Variants in TMEM273 observed in about 807,000 individuals in gnomAD.
TMEM273 encodes chromosome 10 open reading frame 128.
In TMEM273, 19 loss-of-function variants were observed where a neutral mutation model predicts 17.9. The observed-to-expected ratio is 1.06, with a 90% CI of 0.74 to 1.55. The LOEUF (loss-of-function observed/expected upper bound fraction) is 1.55. TMEM273 is among the 40% of genes most tolerant of loss of function. TMEM273 has a pLI of 0.00. For missense variants in TMEM273, 194 were observed against 155.6 expected, an observed-to-expected ratio of 1.25 and a Z score of -1.31; for synonymous variants, 66 against 62.0, an observed-to-expected ratio of 1.07 and a Z score of -0.31.
intron 6 of TMEM273, 104 bp downstream of exon 6, chr10:49,161,495 A>C: frequency 1.4e-6 from 2 of 1,462,660 alleles, no homozygotes; most frequent in Non-Finnish European, 1.9e-6. Flanking sequence ...TGCCCGTCCC[A>C]CGTGGCCAGG....
chr10:49,163,863 C>T (rs1216612654), intron 5 of TMEM273, among the ~76,000 whole-genome samples: 1 of 152,158 alleles, frequency 6.6e-6, no homozygotes, highest in Non-Finnish European at 1.5e-5. Flanking sequence ...CAAGAAAATC[C>T]ATGTCCAGCT....
intron 6 of TMEM273, 85 bp from the exon 7 acceptor site, chr10:49,155,994 A>G: frequency 3.7e-6 from 6 of 1,610,352 alleles, no homozygotes; most frequent in Non-Finnish European, 5.1e-6. Context: ...AATTCACACA[A>G]TTAAACAGGT....
At position 49,166,962 on chromosome 10, in the gene TMEM273, C is replaced by G. The variant is rs758300447; in HGVS notation, c.145G>C (p.Ala49Pro). ...IGTAVGVAIS[A>P]GFLALKICMI... The stretch of plus-strand genomic sequence containing the variant: ...CAGATCTTCAGGGCCAGGAAGCCAG[C>G]AGATATGGCGACACCCACAGCAGTC... The change falls in exon 3 of 7, where the codon GCT becomes CCT. Residue 49 changes from alanine (A) to proline (P), a missense_variant. Physicochemically the swap from Ala to Pro is conservative, Grantham distance 27. Coordinates refer to ENST00000374153, the MANE Select transcript of TMEM273 (RefSeq NM_001288740.3). The G allele has an allele frequency of 6.2e-7, 1 of 1,614,142 alleles. No homozygotes were observed.
chr10:49,167,934 T>C lies in TMEM273; in HGVS notation c.72A>G (p.Thr24=). The C allele has an allele frequency of 6.2e-7, 1 of 1,614,046 alleles. No individual in the cohort carries two copies. Among genetic ancestry groups the C allele is most frequent in the Non-Finnish European group, 8.5e-7 (1 of 1,179,986 alleles). The part of the protein sequence containing the change: ...LDVGGAQVLA[T]GKTPGAEIDF... ...CAATTTCAGCCCCAGGGGTCTTGCC[T>C]GTTGCCAGCACTTGAGCTCCTCCTA... Residue 24 remains threonine (T), a synonymous_variant, in exon 2 of 7, where the codon ACA becomes ACG. Coordinates refer to ENST00000374153, the MANE Select transcript of TMEM273 (RefSeq NM_001288740.3).
chr10:49,155,721 GA>G lies in TMEM273; in HGVS notation c.*170del. 1 of 885,602 alleles carries G rather than the reference GA, an allele frequency of 1.1e-6. No individual in the cohort carries two copies. Among genetic ancestry groups the G allele is most frequent in the Non-Finnish European group, 1.7e-6 (1 of 573,714 alleles). The allele number at this position is 885,602 out of a possible 1,614,324, so 54.9% of individuals were successfully genotyped here. A position where few individuals can be genotyped will look rare whatever the true frequency, so the allele number is the denominator to read the frequency against. ...GAAGAGGCATGATATTTTCCTTCAG[GA>G]CAGAGGCACTGTATATTCTATTCCT... On this transcript the variant is annotated 3_prime_UTR_variant, in exon 7 of 7. Coordinates refer to ENST00000374153, the MANE Select transcript of TMEM273 (RefSeq NM_001288740.3).
chr10:49,165,152 TA>T (rs957256710), intron 5 of TMEM273, 52 bp downstream of exon 5: 1 of 1,502,888 alleles, frequency 6.7e-7, no homozygotes, highest in Non-Finnish European at 8.9e-7. Context: ...TAAAGAAAAC[TA>T]AAGCCAAGCA....
chr10:49,168,722 G>A (rs1478492217), intron 1 of TMEM273, among the ~76,000 whole-genome samples: 1 of 144,136 alleles, frequency 6.9e-6, no homozygotes, highest in Non-Finnish European at 1.5e-5. Flanking sequence ...GGGAGGGAGG[G>A]TGGGAAGGAA....
chr10:49,167,152 T>G lies in TMEM273; in HGVS notation c.98-143A>C, dbSNP rs80294409. 1,912 of 1,157,664 alleles carry G rather than the reference T, an allele frequency of 1.7e-3. 41 individuals carry two copies. The East Asian group carries it at 0.039, about 23-fold the overall frequency. The allele number at this position is 1,157,664 out of a possible 1,614,324, so 71.7% of individuals were successfully genotyped here. A position where few individuals can be genotyped will look rare whatever the true frequency, so the allele number is the denominator to read the frequency against. On this transcript the variant is annotated intron_variant, in intron 2 of 6. Transcript: ENST00000374153. ...GCCAGCCTCACCTTCTACTCTCCCATGAGTCCCTTTGCTCCTAGCCTCTGC... is the reference window on the plus strand; with the variant it reads ...GCCAGCCTCACCTTCTACTCTCCCAGGAGTCCCTTTGCTCCTAGCCTCTGC...
At chr10:49,184,350 A>G (rs11101006) in intron 1 of TMEM273, among the ~76,000 whole-genome samples, 1 of 152,014 alleles carries the variant, frequency 6.6e-6, no homozygotes, top group African/African-American at 2.4e-5. Flanking sequence ...CAACAAAGGA[A>G]GCCACAAAGA....
At chr10:49,187,184 G>T (rs11101007) in intron 1 of TMEM273, among the ~76,000 whole-genome samples, 1 of 152,098 alleles carries the variant, frequency 6.6e-6, no homozygotes, top group African/African-American at 2.4e-5. Flanking sequence ...TCTAACCACC[G>T]TGCACACCCT....
At chr10:49,166,101 C>A (rs1047597224) in intron 3 of TMEM273, among the ~76,000 whole-genome samples, 3 of 152,212 alleles carry the variant, frequency 2.0e-5, no homozygotes, top group Non-Finnish European at 2.9e-5. Flanking sequence ...TGCTTATCTT[C>A]ACGGATCATA....
intron 3 of TMEM273, among the ~76,000 whole-genome samples, chr10:49,166,009 C>T (rs953494922): frequency 1.3e-5 from 2 of 152,142 alleles, no homozygotes; most frequent in African/African-American, 2.4e-5. Flanking sequence ...AGCAAACTCC[C>T]ATGGCCTATT....
At chr10:49,183,115 T>C (rs1847451647) in intron 1 of TMEM273, among the ~76,000 whole-genome samples, 1 of 152,250 alleles carries the variant, frequency 6.6e-6, no homozygotes, top group Admixed American at 6.5e-5. Context: ...ATACCTGTCC[T>C]AGATTGGTTC....
intron 6 of TMEM273, 29 bp downstream of exon 6, chr10:49,161,570 T>C: frequency 1.9e-6 from 3 of 1,614,188 alleles, no homozygotes; most frequent in Non-Finnish European, 2.5e-6. Flanking sequence ...GTCCTCCTTT[T>C]AAGACAAGTG....
intron 1 of TMEM273, among the ~76,000 whole-genome samples, chr10:49,178,790 T>G (rs1847163414): frequency 6.6e-6 from 1 of 152,214 alleles, no homozygotes; most frequent in Non-Finnish European, 1.5e-5. Context: ...GCATTGCAAC[T>G]GTCCCCTGTA....
At chr10:49,182,070 C>G (rs1847379562) in intron 1 of TMEM273, among the ~76,000 whole-genome samples, 1 of 152,204 alleles carries the variant, frequency 6.6e-6, no homozygotes, top group African/African-American at 2.4e-5. Context: ...GGAAGTATCT[C>G]TTGCCTACCT....
At chr10:49,181,601 A>T (rs938558449) in intron 1 of TMEM273, among the ~76,000 whole-genome samples, 2 of 152,244 alleles carry the variant, frequency 1.3e-5, no homozygotes, top group African/African-American at 2.4e-5. Flanking sequence ...AATATATTCA[A>T]TAGAGGAAGG....
Position 49,169,515 on chromosome 10 carries a change from T to A in TMEM273, c.44-1553A>T, listed in dbSNP as rs137899805. The stretch of plus-strand genomic sequence containing the variant: ...GACTGGTAAAGATTCCCCAAGCTTT[T>A]TCTAAAGCAAAAGTTCTCAGCTTTG... On this transcript the variant is annotated intron_variant, in intron 1 of 6. Transcript: ENST00000374153. Among the ~76,000 whole-genome samples the A allele has an allele frequency of 5.1e-3, 780 of 152,360 alleles. 10 individuals carry two copies. Among genetic ancestry groups the A allele is most frequent in the South Asian group, 0.031 (151 of 4,822 alleles).
intron 2 of TMEM273, 62 bp downstream of exon 2, chr10:49,167,847 G>A: frequency 6.3e-7 from 1 of 1,597,588 alleles, no homozygotes; most frequent in Non-Finnish European, 8.6e-7. Flanking sequence ...CTGCTTGCTT[G>A]TCTTGGGAGC....
Sources: allele counts gnomAD v4.1 joint callset (sites outside exome capture counted in the v4.1 genomes callset), GRCh38; gene constraint gnomAD v4.1.1; transcripts MANE v1.5; gene names NCBI Gene and HGNC (gene_info 2026-07-23, HGNC 2026-07-21).